SH3BP5: variants seen among roughly 807,000 people sequenced by gnomAD.
SH3BP5 encodes SH3 domain-binding protein 5.
A neutral mutation model predicts 43.3 loss-of-function variants in SH3BP5; 22 were observed. The ratio of observed to expected loss-of-function variants is 0.51; its 90% CI spans 0.36 to 0.73. SH3BP5 has a LOEUF of 0.73. Ranked by LOEUF, SH3BP5 falls within the 30% of genes least tolerant of loss-of-function variation. SH3BP5 has a pLI of 0.00. For missense variants in SH3BP5, 529 were observed against 586.9 expected (o/e 0.90, Z 1.02); for synonymous variants, 255 against 225.8 (o/e 1.13, Z -1.16).
At chr3:15,311,662 C>T (rs1228887318) in intron 2 of SH3BP5, among the ~76,000 whole-genome samples, 11 of 152,054 alleles carry the variant, frequency 7.2e-5, no homozygotes, top group Admixed American at 3.3e-4. Flanking sequence ...TGTAAGCAGA[C>T]ATCTTCAGTA....
At position 15,296,694 on chromosome 3, in the gene SH3BP5, C is replaced by CTT. The variant is rs370273754; in HGVS notation, c.330+7407_330+7408dup. 7.4e-4 allele frequency among the ~76,000 whole-genome samples: 92 copies of CTT among 124,922 alleles called. 5 individuals carry two copies. Among genetic ancestry groups the CTT allele is most frequent in the Middle Eastern group, 8.0e-3 (2 of 250 alleles). 82.0% of individuals were successfully genotyped at this position (124,922 alleles called of 152,430 possible). A position where few individuals can be genotyped will look rare whatever the true frequency, so the allele number is the denominator to read the frequency against. On this transcript the variant is annotated intron_variant, in intron 3 of 8. Transcript: ENST00000383791. ...ATCCTCCACTTACGAAGTGTTTTTC[C>CTT]TTTTTTTTTTTTTTTTTGAGACAGG...
intron 1 of SH3BP5, chr3:15,331,924 C>T: frequency 4.6e-6 from 1 of 216,460 alleles, no homozygotes; most frequent in Middle Eastern, 1.6e-3. Context: ...CCCGCGGTGC[C>T]GCGGCCGGGC....
chr3:15,277,587 C>G lies in SH3BP5; in HGVS notation c.331-7710G>C, dbSNP rs142581839. Among the ~76,000 whole-genome samples the G allele has an allele frequency of 1.4e-3, 208 of 152,228 alleles. 2 individuals carry two copies. Among genetic ancestry groups the G allele is most frequent in the Non-Finnish European group, 1.3e-3 (86 of 68,006 alleles). On this transcript the variant is annotated intron_variant, in intron 3 of 8. Coordinates refer to ENST00000383791, the MANE Select transcript of SH3BP5 (RefSeq NM_004844.5). ...CCTGCCTGAGCTTAGCCTCCTACCC[C>G]CCACCACACAGTCTCACCTGCTCTG...
chr3:15,292,809 T>C lies in SH3BP5; in HGVS notation c.330+11294A>G, dbSNP rs531130455. On this transcript the variant is annotated intron_variant, in intron 3 of 8. Transcript: ENST00000383791. ...GTTGTGGTGAGCCGAGATCACACCATTGCACCCCAGCCTGGGCAACAAAAG... is the reference window on the plus strand; with the variant it reads ...GTTGTGGTGAGCCGAGATCACACCACTGCACCCCAGCCTGGGCAACAAAAG... 2.6e-3 allele frequency among the ~76,000 whole-genome samples: 389 copies of C among 152,146 alleles called. 1 individual carries two copies. The highest frequency in any genetic ancestry group is 1.2e-3 in the Non-Finnish European group (82 of 67,998).
rs1393184123 is a variant in SH3BP5 at position 15,256,317 on chromosome 3, A to G, written c.1151-14T>C. 3.7e-6 allele frequency: 6 copies of G among 1,609,608 alleles called. No individual in the cohort carries two copies. The African/African-American group carries it at 6.8e-5, about 18-fold the overall frequency. On this transcript the variant is annotated splice_polypyrimidine_tract_variant and intron_variant, in intron 8 of 8. Coordinates refer to ENST00000383791, the MANE Select transcript of SH3BP5 (RefSeq NM_004844.5). The stretch of plus-strand genomic sequence containing the variant: ...CTGCCCTGTCTCCTATAGAAATACA[A>G]GGATTATCAAAAGTGAGTATTGACA...
rs1397742740 is a variant in SH3BP5 at position 15,255,324 on chromosome 3, A to G, written c.*762T>C. The G allele has an allele frequency of 6.6e-6, 1 of 152,648 alleles. No homozygotes were observed. Among genetic ancestry groups the G allele is most frequent in the African/African-American group, 2.4e-5 (1 of 41,444 alleles). 9.5% of individuals were successfully genotyped at this position (152,648 alleles called of 1,614,324 possible). A position where few individuals can be genotyped will look rare whatever the true frequency, so the allele number is the denominator to read the frequency against. On this transcript the variant is annotated 3_prime_UTR_variant, in exon 9 of 9. Coordinates refer to ENST00000383791, the MANE Select transcript of SH3BP5 (RefSeq NM_004844.5). ...ATTCTTCACATGCACTTCTCTTAGA[A>G]TAAATCCCCTTGGCTGGCAGGATAA...
intron 3 of SH3BP5, among the ~76,000 whole-genome samples, chr3:15,272,502 G>T (rs1296316702): frequency 1.3e-5 from 2 of 151,630 alleles, no homozygotes; most frequent in Non-Finnish European, 2.9e-5. Context: ...GATGAGGTGG[G>T]GGACAGAAGG....
At chr3:15,279,650 T>C (rs76208043) in intron 3 of SH3BP5, among the ~76,000 whole-genome samples, 25,999 of 152,032 alleles carry the variant, frequency 0.17, 2,419 homozygotes, top group African/African-American at 0.23. Flanking sequence ...ATGACAAACA[T>C]CCAAGGTTCC....
At position 15,255,711 on chromosome 3, in the gene SH3BP5, A is replaced by G. The variant is rs914300351; in HGVS notation, c.*375T>C. On this transcript the variant is annotated 3_prime_UTR_variant, in exon 9 of 9. Transcript: ENST00000383791. ...GTGGAGAGGACATCTCCATTTTCCC[A>G]TACAAACTGAGGGTGAGAAGAGAAA... The G allele has an allele frequency of 1.1e-5, 2 of 177,130 alleles. No homozygotes were observed. The highest frequency in any genetic ancestry group is 4.7e-5 in the African/African-American group (2 of 42,212). 11.0% of individuals were successfully genotyped at this position (177,130 alleles called of 1,614,324 possible).
At position 15,304,237 on chromosome 3, in the gene SH3BP5, G is replaced by A. The variant is rs1697833849; in HGVS notation, c.202-6C>T. The stretch of plus-strand genomic sequence containing the variant: ...CGGAACTTCTGACGAGCATCCTGCA[G>A]CCAGGGGAAACCGAGGAAACACAGT... On this transcript the variant is annotated splice_region_variant and splice_polypyrimidine_tract_variant and intron_variant, in intron 2 of 8. Coordinates refer to ENST00000383791, the MANE Select transcript of SH3BP5 (RefSeq NM_004844.5). The A allele has an allele frequency of 6.2e-7, 1 of 1,614,016 alleles. No individual in the cohort carries two copies. The highest frequency in any genetic ancestry group is 1.3e-5 in the African/African-American group (1 of 74,922).
At chr3:15,289,718 G>T (rs1697359440) in intron 3 of SH3BP5, among the ~76,000 whole-genome samples, 1 of 152,078 alleles carries the variant, frequency 6.6e-6, no homozygotes, top group Admixed American at 6.6e-5. Context: ...TTTTCCTATG[G>T]CCTTGGGTGT....
rs567527358 is a variant in SH3BP5, at chr3:15,315,406, C to T, written c.202-11175G>A. Among the ~76,000 whole-genome samples, 3 of 152,358 alleles carry T rather than the reference C, an allele frequency of 2.0e-5. No individual in the cohort carries two copies. In the East Asian group the frequency reaches 5.8e-4, roughly 29 times the overall value. On this transcript the variant is annotated intron_variant, in intron 2 of 8. Transcript: ENST00000383791. ...CCAGACCCTCTGGGCAAGCCCTGTG[C>T]ATTCAACAGCTTTTAGGCCACATCC...
chr3:15,257,205 G>A (rs1575272404), intron 7 of SH3BP5, 92 bp from the exon 8 acceptor site: 2 of 1,295,804 alleles, frequency 1.5e-6, no homozygotes, highest in Admixed American at 4.1e-5. Context: ...GACACAGCAT[G>A]GGGGACTAAA....
chr3:15,331,422 T>C (rs73816881), intron 1 of SH3BP5, among the ~76,000 whole-genome samples: 5 of 152,094 alleles, frequency 3.3e-5, no homozygotes, highest in African/African-American at 1.2e-4. Context: ...AGCAATTTTT[T>C]TAAAAAAATG....
chr3:15,272,943 C>A (rs983330627), intron 3 of SH3BP5, among the ~76,000 whole-genome samples: 3 of 152,142 alleles, frequency 2.0e-5, no homozygotes, highest in South Asian at 4.1e-4. Flanking sequence ...ACTCACCCCC[C>A]CAACCCCTGC....
chr3:15,329,626 C>T (rs980974133), intron 2 of SH3BP5, among the ~76,000 whole-genome samples: 1 of 152,244 alleles, frequency 6.6e-6, no homozygotes, highest in African/African-American at 2.4e-5. Flanking sequence ...CTCCCACACT[C>T]TCACTCTTAG....
intron 2 of SH3BP5, among the ~76,000 whole-genome samples, chr3:15,309,731 G>A (rs752073987): frequency 6.6e-6 from 1 of 152,142 alleles, no homozygotes; most frequent in Non-Finnish European, 1.5e-5. Flanking sequence ...TGTACTAAGT[G>A]TGTGACCATC....
intron 3 of SH3BP5, among the ~76,000 whole-genome samples, chr3:15,297,973 C>CTTTTTTT (rs57568903): frequency 1.5e-5 from 2 of 134,850 alleles, no homozygotes; most frequent in Non-Finnish European, 1.6e-5. Context: ...TTTTCTTTTT[C>CTTTTTTT]TTTTTTTTTT....
At chr3:15,306,053 T>TAAAAAAAAA (rs138977524) in intron 2 of SH3BP5, among the ~76,000 whole-genome samples, 10 of 32,354 alleles carry the variant, frequency 3.1e-4, no homozygotes, top group Admixed American at 2.5e-3. Flanking sequence ...ATGCATGAGT[T>TAAAAAAAAA]TAAAAAAAAA....
Sources: allele counts gnomAD v4.1 joint callset (sites outside exome capture counted in the v4.1 genomes callset), GRCh38; gene constraint gnomAD v4.1.1; transcripts MANE v1.5; gene names NCBI Gene and HGNC (gene_info 2026-07-23, HGNC 2026-07-21).